Variants in RPS6KA5 observed in about 807,000 individuals in gnomAD.
RPS6KA5 encodes the protein ribosomal protein S6 kinase alpha-5.
RPS6KA5 carries 27 observed loss-of-function variants against 85.5 expected under a neutral mutation model. The observed-to-expected ratio is 0.32, with a 90% CI of 0.23 to 0.44. The LOEUF is 0.44. RPS6KA5 is among the 20% of genes least tolerant of loss of function. The probability of loss-of-function intolerance (pLI) is 1.00; values close to 1 mark genes in which losing one functional copy is unlikely to be tolerated. For synonymous variants in RPS6KA5, 334 were observed against 348.2 expected (o/e 0.96, Z 0.46); for missense variants, 811 against 980.9 (o/e 0.83, Z 2.31).
intron 1 of RPS6KA5, among the ~76,000 whole-genome samples, chr14:91,033,548 G>A (rs1044926503): frequency 2.6e-5 from 4 of 152,190 alleles, no homozygotes; most frequent in African/African-American, 7.2e-5. Flanking sequence ...TTTGCAATGA[G>A]CCGAGATCAC....
intron 5 of RPS6KA5, among the ~76,000 whole-genome samples, chr14:90,939,582 A>G (rs1193098719): frequency 6.6e-6 from 1 of 152,264 alleles, no homozygotes; most frequent in East Asian, 1.9e-4. Context: ...GTGGAAGGCA[A>G]GAAGGAGCAA....
intron 5 of RPS6KA5, among the ~76,000 whole-genome samples, chr14:90,940,444 G>A (rs2140346912): frequency 6.6e-6 from 1 of 152,266 alleles, no homozygotes; most frequent in East Asian, 1.9e-4. Context: ...GGCTGATTCA[G>A]TCACACAGCA....
At chr14:91,044,611 C>T (rs941971489) in intron 1 of RPS6KA5, among the ~76,000 whole-genome samples, 5 of 152,142 alleles carry the variant, frequency 3.3e-5, no homozygotes, top group Admixed American at 6.5e-5. Context: ...CGGTGGCTCA[C>T]GCCTGTAATT....
chr14:91,046,088 G>A (rs1285237768), intron 1 of RPS6KA5, among the ~76,000 whole-genome samples: 2 of 152,146 alleles, frequency 1.3e-5, no homozygotes, highest in African/African-American at 2.4e-5. Context: ...TTCTCTCACA[G>A]AACTGTGTAT....
Position 90,863,252 on chromosome 14 carries a change from G to T in RPS6KA5, c.*8822C>A, listed in dbSNP as rs1192046623. Reference sequence around the variant, plus strand: ...TGGGAGGTGGAGGTTGCAGTGAGCTGAGATTGAGCCACTGCACTCCAGCCT... The same window carrying T: ...TGGGAGGTGGAGGTTGCAGTGAGCTTAGATTGAGCCACTGCACTCCAGCCT... On this transcript the variant is annotated 3_prime_UTR_variant, in exon 17 of 17. Coordinates refer to ENST00000614987, the MANE Select transcript of RPS6KA5 (RefSeq NM_004755.4). 2 of 122,100 alleles carry T rather than the reference G, an allele frequency of 1.6e-5. No homozygotes were observed. The highest frequency in any genetic ancestry group is 3.2e-5 in the Non-Finnish European group (2 of 62,864). The allele number at this position is 122,100 out of a possible 1,614,324, so 7.6% of individuals were successfully genotyped here.
chr14:91,004,495 T>C (rs1298066230), intron 1 of RPS6KA5, among the ~76,000 whole-genome samples: 1 of 152,232 alleles, frequency 6.6e-6, no homozygotes, highest in Non-Finnish European at 1.5e-5. Context: ...CCTTTGGTTC[T>C]TGTCTTTGCT....
intron 3 of RPS6KA5, among the ~76,000 whole-genome samples, chr14:90,976,593 A>G (rs948940144): frequency 6.6e-6 from 1 of 152,186 alleles, no homozygotes; most frequent in East Asian, 1.9e-4. Context: ...TCTGTCACCT[A>G]CAACAGTCTT....
rs2032830992 is a variant in RPS6KA5, at chr14:90,867,001, A to C, written c.*5073T>G. On this transcript the variant is annotated 3_prime_UTR_variant, in exon 17 of 17. Coordinates refer to ENST00000614987, the MANE Select transcript of RPS6KA5 (RefSeq NM_004755.4). ...CAGCAACAGAGCTTTAATGAGGTTA[A>C]TTGTCACATACATATCCATTCCAAC... 2 of 152,192 alleles carry C rather than the reference A, an allele frequency of 1.3e-5. No individual in the cohort carries two copies. Among genetic ancestry groups the C allele is most frequent in the Non-Finnish European group, 2.9e-5 (2 of 68,038 alleles). The allele number at this position is 152,192 out of a possible 1,614,324, so 9.4% of individuals were successfully genotyped here. A position where few individuals can be genotyped will look rare whatever the true frequency, so the allele number is the denominator to read the frequency against.
At chr14:91,027,211 G>A (rs1451195901) in intron 1 of RPS6KA5, among the ~76,000 whole-genome samples, 1 of 152,134 alleles carries the variant, frequency 6.6e-6, no homozygotes, top group Non-Finnish European at 1.5e-5. Flanking sequence ...TATTTCCTAG[G>A]TTTTCTTCTA....
chr14:91,023,568 A>G (rs1033734030), intron 1 of RPS6KA5, among the ~76,000 whole-genome samples: 1 of 152,156 alleles, frequency 6.6e-6, no homozygotes, highest in Non-Finnish European at 1.5e-5. Flanking sequence ...TACCGGCATG[A>G]GCCACCGTGC....
rs2032979784 is a variant in RPS6KA5, at chr14:90,869,702, GAA to G, written c.*2370_*2371del. 6.6e-6 allele frequency: 1 copy of G among 152,110 alleles called. No homozygotes were observed. Among genetic ancestry groups the G allele is most frequent in the Non-Finnish European group, 1.5e-5 (1 of 68,006 alleles). The allele number at this position is 152,110 out of a possible 1,614,324, so 9.4% of individuals were successfully genotyped here. On this transcript the variant is annotated 3_prime_UTR_variant, in exon 17 of 17. Coordinates refer to ENST00000614987, the MANE Select transcript of RPS6KA5 (RefSeq NM_004755.4). ...GTGTTTATTTTTGATGTGACCAAAT[GAA>G]AGCTTTCTGAATTTTAAAGTGCAAT...
rs892749374 is a variant in RPS6KA5, at chr14:90,850,867, C to T, written c.*21207G>A. The stretch of plus-strand genomic sequence containing the variant: ...TCAAATAAGACATTCTACAAATTAG[C>T]CAAGCACAATGATATATTTTAAACC... On this transcript the variant is annotated 3_prime_UTR_variant, in exon 17 of 17. Transcript: ENST00000614987. 1.3e-5 allele frequency: 2 copies of T among 152,132 alleles called. No homozygotes were observed. The highest frequency in any genetic ancestry group is 2.9e-5 in the Non-Finnish European group (2 of 68,032). 9.4% of individuals were successfully genotyped at this position (152,132 alleles called of 1,614,324 possible). A position where few individuals can be genotyped will look rare whatever the true frequency, so the allele number is the denominator to read the frequency against.
intron 13 of RPS6KA5, among the ~76,000 whole-genome samples, chr14:90,891,248 G>C (rs1035171320): frequency 1.3e-5 from 2 of 150,650 alleles, no homozygotes; most frequent in Non-Finnish European, 2.9e-5. Flanking sequence ...ATTGAACAAA[G>C]TCATAAATAA....
At chr14:90,983,825 CTCTCTCTCTCTCTCTTTCTTTT>C (rs1328966974) in intron 2 of RPS6KA5, among the ~76,000 whole-genome samples, 1 of 136,296 alleles carries the variant, frequency 7.3e-6, no homozygotes, top group African/African-American at 2.9e-5. Flanking sequence ...CTGTCTCTCT[CTCTCTCTCTCTCTCTTTCTTTT>C]TTTCTTTCTT....
chr14:90,919,903 T>G (rs977506237), intron 7 of RPS6KA5, among the ~76,000 whole-genome samples: 21 of 152,184 alleles, frequency 1.4e-4, no homozygotes, highest in African/African-American at 5.1e-4. Flanking sequence ...TTAAATAAAC[T>G]TCTCAATATA....
At chr14:90,922,381 C>G (rs553141102) in intron 6 of RPS6KA5, among the ~76,000 whole-genome samples, 173 of 152,286 alleles carry the variant, frequency 1.1e-3, no homozygotes, top group African/African-American at 3.9e-3. Flanking sequence ...TTTTACATGC[C>G]GTGACCCTTC....
intron 3 of RPS6KA5, among the ~76,000 whole-genome samples, chr14:90,959,192 A>G (rs1307559945): frequency 1.3e-5 from 2 of 152,160 alleles, no homozygotes; most frequent in Admixed American, 1.3e-4. Context: ...CCTTTACTGG[A>G]GCCGTAGTGT....
intron 2 of RPS6KA5, among the ~76,000 whole-genome samples, chr14:90,999,158 A>AG (rs2040666232): frequency 6.6e-6 from 1 of 152,162 alleles, no homozygotes; most frequent in Non-Finnish European, 1.5e-5. Context: ...CAGTGAGCCA[A>AG]GATCGAGTCA....
chr14:91,049,051 A>G (rs532195101), intron 1 of RPS6KA5, among the ~76,000 whole-genome samples: 137 of 152,296 alleles, frequency 9.0e-4, no homozygotes, highest in Middle Eastern at 6.8e-3. Flanking sequence ...TTTCCCCGCT[A>G]CAGACTACAA....
Sources: allele counts gnomAD v4.1 joint callset (sites outside exome capture counted in the v4.1 genomes callset), GRCh38; gene constraint gnomAD v4.1.1; transcripts MANE v1.5; gene names NCBI Gene and HGNC (gene_info 2026-07-23, HGNC 2026-07-21).